The following DNAH7 variants were observed in gnomAD, a reference collection of about 807,000 sequenced individuals.
The protein encoded by DNAH7 is dynein axonemal heavy chain 7, also known as axonemal beta dynein heavy chain 7.
A neutral mutation model predicts 444.6 loss-of-function variants in DNAH7; 397 were observed. The observed-to-expected ratio is 0.89, with a 90% CI of 0.82 to 0.97. The LOEUF is 0.97. DNAH7 is among the 50% of genes least tolerant of loss of function. The pLI, the probability that DNAH7 is intolerant of heterozygous loss-of-function variation, is 0.00. For missense variants in DNAH7, 4,902 were observed against 4,800.8 expected (o/e 1.02, Z -0.62); for synonymous variants, 1,636 against 1,624.4 (o/e 1.01, Z -0.17).
At chr2:196,041,966 C>T (rs1170478608) in intron 5 of DNAH7, among the ~76,000 whole-genome samples, 2 of 151,974 alleles carry the variant, frequency 1.3e-5, no homozygotes, top group African/African-American at 4.8e-5. Context: ...AAAACTTGCT[C>T]AACATCTCTA....
intron 19 of DNAH7, among the ~76,000 whole-genome samples, chr2:195,954,490 A>G (rs1195913184): frequency 3.3e-5 from 5 of 152,200 alleles, no homozygotes; most frequent in African/African-American, 1.2e-4. Flanking sequence ...ATAAACATAC[A>G]TATGCATGTG....
chr2:195,813,903 T>G (rs1220245246), intron 51 of DNAH7, among the ~76,000 whole-genome samples: 1 of 152,164 alleles, frequency 6.6e-6, no homozygotes, highest in Non-Finnish European at 1.5e-5. Flanking sequence ...GAAAACAATG[T>G]GCATTAATTT....
At chr2:195,806,913 A>C in intron 53 of DNAH7, 81 bp from the exon 54 acceptor site, 1 of 1,017,254 alleles carries the variant, frequency 9.8e-7, no homozygotes, top group Non-Finnish European at 1.5e-6. Context: ...CAACTTTTAG[A>C]ATATATAAAT....
At chr2:195,984,825 G>A (rs1692800927) in intron 14 of DNAH7, 115 bp from the exon 15 acceptor site, 3 of 936,010 alleles carry the variant, frequency 3.2e-6, no homozygotes, top group Non-Finnish European at 3.2e-6. Context: ...CTATAACTTA[G>A]CTATATGACA....
chr2:195,967,923 CACAAG>C lies in DNAH7; in HGVS notation c.2205+2020_2205+2024del, dbSNP rs528627020. ...TATTCTACTAAGCTTGAACCCAAAC[CACAAG>C]ACAAAATCCTTCCCACCCTTCCCTC... On this transcript the variant is annotated intron_variant, in intron 17 of 64. Transcript: ENST00000312428. Among the ~76,000 whole-genome samples the C allele has an allele frequency of 3.3e-3, 503 of 152,202 alleles. 8 individuals carry two copies. The highest frequency in any genetic ancestry group is 8.8e-4 in the Non-Finnish European group (60 of 67,968).
At chr2:195,906,294 T>C (rs955239911) in intron 27 of DNAH7, among the ~76,000 whole-genome samples, 1 of 152,086 alleles carries the variant, frequency 6.6e-6, no homozygotes, top group African/African-American at 2.4e-5. Flanking sequence ...TCTGTAAAAA[T>C]ACTCAAAGCT....
chr2:196,028,024 G>C lies in DNAH7; in HGVS notation c.422C>G (p.Ser141Ter). ...VIMQQDADLD[S>*]AVPDGSTIPK... is the part of the protein sequence containing the mutation. The stretch of plus-strand genomic sequence containing the variant: ...AATTGTGCTTCCATCAGGGACAGCT[G>C]AGTCTAAGTCAGCATCTTGTTGCCT... Residue 141 changes from serine (S) to a stop codon, truncating the protein, a stop_gained, in exon 6 of 65, where the codon TCA (serine) becomes TGA (stop). Transcript: ENST00000312428. LOFTEE classifies it high-confidence loss of function. 6.2e-7 allele frequency: 1 copy of C among 1,609,990 alleles called. No homozygotes were observed. Among genetic ancestry groups the C allele is most frequent in the Non-Finnish European group, 8.5e-7 (1 of 1,177,822 alleles).
chr2:195,742,141 G>A (rs1445448986), intron 63 of DNAH7, among the ~76,000 whole-genome samples: 2 of 152,192 alleles, frequency 1.3e-5, no homozygotes, highest in East Asian at 3.9e-4. Flanking sequence ...TGATTCCAGG[G>A]CAGTGGAGGG....
In DNAH7 at chr2:195,922,154, T is replaced by C; in HGVS notation, c.3869A>G (p.Tyr1290Cys). ...GGAATTACCCAGATATTCATATCCA[T>C]ATCGCAAACCAGCATTGATCATTTT... ...ETKMINAGLR[Y>C]GYEYLGNSPR... Residue 1290 changes from tyrosine (Y) to cysteine (C), a missense_variant, in exon 24 of 65, where the codon TAT becomes TGT. By Grantham distance (194) the Tyr-to-Cys change is radical. Coordinates refer to ENST00000312428, the MANE Select transcript of DNAH7 (RefSeq NM_018897.3). The C allele has an allele frequency of 1.9e-6, 3 of 1,613,446 alleles. No individual in the cohort carries two copies. Among genetic ancestry groups the C allele is most frequent in the South Asian group, 1.1e-5 (1 of 91,068 alleles).
chr2:195,990,891 T>A (rs1438802161), intron 12 of DNAH7, among the ~76,000 whole-genome samples: 1 of 129,232 alleles, frequency 7.7e-6, no homozygotes, highest in African/African-American at 3.1e-5. Context: ...ACATATATAC[T>A]TATATACATA....
In DNAH7 at chr2:196,028,344, G is replaced by T. The variant is rs530167464; in HGVS notation, c.399-297C>A. Among the ~76,000 whole-genome samples, 16 of 152,182 alleles carry T rather than the reference G, an allele frequency of 1.1e-4. 1 individual carries two copies. The South Asian group carries it at 3.3e-3, about 32-fold the overall frequency. ...TCAAGAATCAAGCTCTCTCTTCTCT[G>T]AAATTATAAAGGAACACTCTTGCAT... is the stretch of plus-strand genomic sequence containing the variant. On this transcript the variant is annotated intron_variant, in intron 5 of 64. Transcript: ENST00000312428.
chr2:195,823,044 G>A (rs995332939), intron 49 of DNAH7, among the ~76,000 whole-genome samples: 3 of 152,082 alleles, frequency 2.0e-5, no homozygotes, highest in Non-Finnish European at 2.9e-5. Context: ...GAGGCACAGA[G>A]AGGTTACATG....
At position 195,794,388 on chromosome 2, in the gene DNAH7, G is replaced by A. The variant is rs764513168; in HGVS notation, c.10666C>T (p.Leu3556Phe). 6.2e-6 allele frequency: 10 copies of A among 1,614,076 alleles called. No homozygotes were observed. The Middle Eastern group carries it at 6.6e-4, about 107-fold the overall frequency. The change falls in exon 57 of 65, where the codon CTC becomes TTC. Residue 3556 changes from leucine to phenylalanine, a missense_variant. By Grantham distance (22) the Leu-to-Phe change is conservative. Coordinates refer to ENST00000312428, the MANE Select transcript of DNAH7 (RefSeq NM_018897.3). ...TCCGGATCAGAGATCGGGTCCATGA[G>A]GTATGATCGAATGATATTAGCCCGT... ...GLRANIIRSY[L>F]MDPISDPEFF... is the part of the protein sequence containing the mutation.
intron 24 of DNAH7, among the ~76,000 whole-genome samples, chr2:195,912,338 C>T (rs934375458): frequency 2.6e-5 from 4 of 152,150 alleles, no homozygotes; most frequent in Admixed American, 2.0e-4. Context: ...ACATTTCAAG[C>T]TGAAAAGATG....
intron 19 of DNAH7, among the ~76,000 whole-genome samples, chr2:195,954,501 T>A (rs564011329): frequency 6.6e-6 from 1 of 152,318 alleles, no homozygotes; most frequent in South Asian, 2.1e-4. Flanking sequence ...TATGCATGTG[T>A]TTTTATAGCA....
intron 21 of DNAH7, among the ~76,000 whole-genome samples, chr2:195,930,483 T>G (rs975821288): frequency 4.6e-5 from 7 of 152,056 alleles, no homozygotes; most frequent in African/African-American, 1.7e-4. Context: ...AGATATCATC[T>G]CACCCCACTC....
intron 23 of DNAH7, among the ~76,000 whole-genome samples, chr2:195,922,735 C>G (rs1688098795): frequency 6.6e-6 from 1 of 152,154 alleles, no homozygotes; most frequent in Non-Finnish European, 1.5e-5. Flanking sequence ...GCCCAATAGG[C>G]CCTATCTTGC....
At chr2:195,770,882 T>C (rs921774189) in intron 61 of DNAH7, among the ~76,000 whole-genome samples, 2 of 149,388 alleles carry the variant, frequency 1.3e-5, no homozygotes, top group East Asian at 2.0e-4. Flanking sequence ...TTTTTTTTTT[T>C]CAGAAGAGAC....
At chr2:195,921,935 G>A (rs1198171521) in intron 24 of DNAH7, among the ~76,000 whole-genome samples, 153 bp downstream of exon 24, 1 of 152,116 alleles carries the variant, frequency 6.6e-6, no homozygotes, top group African/African-American at 2.4e-5. Flanking sequence ...AAGAGAAAAC[G>A]AAGACAAACC....
Sources: gnomAD v4.1 joint callset for allele counts (sites outside exome capture counted in the v4.1 genomes callset) on GRCh38, gnomAD v4.1.1 for gene constraint, MANE v1.5 for transcripts, NCBI Gene and HGNC (gene_info 2026-07-23, HGNC 2026-07-21) for gene names.